The following PPP1R1C variants were observed in gnomAD, a reference collection of about 807,000 sequenced individuals.
The protein encoded by PPP1R1C is protein phosphatase 1 regulatory subunit 1C.
Under a neutral mutation model 17.4 loss-of-function variants are expected in PPP1R1C, and 15 were observed. The observed-to-expected ratio is 0.86, with a 90% CI of 0.58 to 1.33. PPP1R1C has a LOEUF of 1.33. Ranked by LOEUF, PPP1R1C falls within the 40% of genes most tolerant of loss-of-function variation. PPP1R1C has a pLI of 0.00. For missense variants in PPP1R1C, 143 were observed against 130.0 expected (o/e 1.10, Z -0.48); for synonymous variants, 35 against 43.1 (o/e 0.81, Z 0.73).
intron 2 of PPP1R1C, among the ~76,000 whole-genome samples, chr2:182,010,899 A>G (rs1482963150): frequency 1.3e-5 from 2 of 151,938 alleles, no homozygotes; most frequent in Non-Finnish European, 2.9e-5. Context: ...TTAGTCCTTT[A>G]TTTTATTGCT....
At chr2:182,015,155 C>T (rs1686221705) in intron 2 of PPP1R1C, among the ~76,000 whole-genome samples, 1 of 152,134 alleles carries the variant, frequency 6.6e-6, no homozygotes, top group Admixed American at 6.5e-5. Flanking sequence ...ACCCAAATCT[C>T]ATCTTGAATT....
intron 4 of PPP1R1C, among the ~76,000 whole-genome samples, chr2:182,073,672 A>G (rs527567460): frequency 2.8e-4 from 43 of 152,228 alleles, no homozygotes; most frequent in Non-Finnish European, 5.4e-4. Context: ...ACAGCTAGGG[A>G]AGACTGTACA....
At chr2:182,065,000 T>C (rs934117228) in intron 4 of PPP1R1C, among the ~76,000 whole-genome samples, 1 of 152,138 alleles carries the variant, frequency 6.6e-6, no homozygotes, top group African/African-American at 2.4e-5. Flanking sequence ...ATAATACTAT[T>C]ATTTTTAAAG....
chr2:182,011,159 T>C (rs6433946), intron 2 of PPP1R1C, among the ~76,000 whole-genome samples: 55,771 of 151,872 alleles, frequency 0.37, 10,964 homozygotes, highest in Non-Finnish European at 0.42. Flanking sequence ...AGCATTCCCT[T>C]CTCTGCTGTT....
intron 2 of PPP1R1C, among the ~76,000 whole-genome samples, chr2:182,060,800 C>A (rs1381184446): frequency 6.6e-6 from 1 of 151,900 alleles, no homozygotes; most frequent in Non-Finnish European, 1.5e-5. Flanking sequence ...ATGTAGGTGA[C>A]GAGGTAAAAA....
chr2:182,033,713 T>A (rs1260086496), intron 2 of PPP1R1C, among the ~76,000 whole-genome samples: 1 of 152,140 alleles, frequency 6.6e-6, no homozygotes, highest in Non-Finnish European at 1.5e-5. Flanking sequence ...AAAATACACA[T>A]CTGACCACAC....
Position 182,088,691 on chromosome 2 carries a change from G to A in PPP1R1C, c.241+24900G>A, listed in dbSNP as rs567091357. ...TTGATTCTTTTTGCCTTGGAAAGTT[G>A]CATCGGTATTCCAACTACACTGACT... On this transcript the variant is annotated intron_variant, in intron 4 of 4. Transcript: ENST00000682840. 8.3e-4 allele frequency among the ~76,000 whole-genome samples: 126 copies of A among 152,250 alleles called. No individual in the cohort carries two copies. The Middle Eastern group carries it at 0.01, about 12-fold the overall frequency.
intron 2 of PPP1R1C, among the ~76,000 whole-genome samples, chr2:182,043,812 C>T (rs1486510247): frequency 6.6e-6 from 1 of 152,158 alleles, no homozygotes; most frequent in Non-Finnish European, 1.5e-5. Flanking sequence ...TCTTCCTGGG[C>T]ATTCTCATCC....
At chr2:181,974,902 T>C (rs1211608663) in intron 1 of PPP1R1C, among the ~76,000 whole-genome samples, 1 of 152,176 alleles carries the variant, frequency 6.6e-6, no homozygotes, top group African/African-American at 2.4e-5. Context: ...AGGAGTGCAG[T>C]CTTTCCTGTC....
intron 2 of PPP1R1C, among the ~76,000 whole-genome samples, chr2:182,032,179 G>T (rs1212841309): frequency 6.6e-6 from 1 of 152,148 alleles, no homozygotes. Flanking sequence ...AAGTCAAGGG[G>T]GCCATCCCTT....
chr2:182,069,268 C>T lies in PPP1R1C; in HGVS notation c.241+5477C>T, dbSNP rs1574425827. Among the ~76,000 whole-genome samples the T allele has an allele frequency of 2.6e-5, 4 of 151,698 alleles. No individual in the cohort carries two copies. The South Asian group carries it at 6.3e-4, about 24-fold the overall frequency. On this transcript the variant is annotated intron_variant, in intron 4 of 4. Transcript: ENST00000682840. Reference sequence around the variant, plus strand: ...GAACATTCTAAATATATACAAGTCTCGCTTTCTTTTTTTTTTTTTTAAACC... The same window carrying T: ...GAACATTCTAAATATATACAAGTCTTGCTTTCTTTTTTTTTTTTTTAAACC...
At chr2:182,115,615 G>A (rs1236967459) in intron 4 of PPP1R1C, among the ~76,000 whole-genome samples, 1 of 152,106 alleles carries the variant, frequency 6.6e-6, no homozygotes, top group Non-Finnish European at 1.5e-5. Context: ...GGTAATTTAT[G>A]ATAATGTGAA....
At chr2:182,085,677 C>T (rs942824577) in intron 4 of PPP1R1C, among the ~76,000 whole-genome samples, 1 of 152,148 alleles carries the variant, frequency 6.6e-6, no homozygotes, top group Non-Finnish European at 1.5e-5. Context: ...CCTAAGGCAA[C>T]TGTCTGCTCT....
At chr2:181,986,732 T>C (rs1298075894) in intron 1 of PPP1R1C, among the ~76,000 whole-genome samples, 1 of 152,216 alleles carries the variant, frequency 6.6e-6, no homozygotes, top group Non-Finnish European at 1.5e-5. Context: ...TAAAATCGTT[T>C]TGTTCAGACA....
At chr2:182,027,147 C>T (rs1428624924) in intron 2 of PPP1R1C, among the ~76,000 whole-genome samples, 1 of 141,922 alleles carries the variant, frequency 7.0e-6, no homozygotes, top group African/African-American at 2.7e-5. Context: ...ACAATCATGT[C>T]GTCTGCAAAC....
chr2:182,081,284 A>T (rs544573383), intron 4 of PPP1R1C, among the ~76,000 whole-genome samples: 1 of 152,214 alleles, frequency 6.6e-6, no homozygotes, highest in South Asian at 2.1e-4. Flanking sequence ...GAGAAAAAGC[A>T]CACAGTAAGC....
intron 2 of PPP1R1C, 57 bp downstream of exon 2, chr2:181,987,956 C>A: frequency 7.2e-7 from 1 of 1,394,458 alleles, no homozygotes; most frequent in Non-Finnish European, 1.0e-6. Flanking sequence ...GTTTAAAGAA[C>A]ATCAAAGTAC....
At chr2:182,039,869 T>C (rs1687129161) in intron 2 of PPP1R1C, among the ~76,000 whole-genome samples, 1 of 152,202 alleles carries the variant, frequency 6.6e-6, no homozygotes, top group Non-Finnish European at 1.5e-5. Context: ...TGTGTACCCA[T>C]AGCTTATCTC....
intron 4 of PPP1R1C, among the ~76,000 whole-genome samples, chr2:182,081,633 A>G (rs531314432): frequency 4.5e-4 from 69 of 152,338 alleles, no homozygotes; most frequent in African/African-American, 1.6e-3. Flanking sequence ...GAGTTAACTT[A>G]CAAATGAACT....
Sources: allele counts gnomAD v4.1 joint callset (sites outside exome capture counted in the v4.1 genomes callset), GRCh38; gene constraint gnomAD v4.1.1; transcripts MANE v1.5; gene names NCBI Gene and HGNC (gene_info 2026-07-23, HGNC 2026-07-21).